Variants in STN1 observed in about 807,000 individuals in gnomAD.
STN1 encodes CST complex subunit STN1.
Under a neutral mutation model 45.5 loss-of-function variants are expected in STN1, and 29 were observed. The observed-to-expected ratio is 0.64, with a 90% CI of 0.47 to 0.87. The LOEUF is 0.87. Ranked by LOEUF, STN1 falls within the 40% of genes least tolerant of loss-of-function variation. STN1 has a pLI of 0.00. For synonymous variants in STN1, 148 were observed against 159.0 expected, an observed-to-expected ratio of 0.93 and a Z score of 0.52; for missense variants, 376 against 441.4, an observed-to-expected ratio of 0.85 and a Z score of 1.33.
chr10:103,895,627 G>A (rs1389578808), intron 7 of STN1, among the ~76,000 whole-genome samples: 2 of 152,122 alleles, frequency 1.3e-5, no homozygotes, highest in African/African-American at 2.4e-5. Flanking sequence ...TCATCTCCTC[G>A]TATGAAACCA....
At chr10:103,898,418 T>G (rs1272584959) in intron 6 of STN1, 4 of 153,474 alleles carry the variant, frequency 2.6e-5, no homozygotes, top group African/African-American at 9.7e-5. Context: ...GAATGACCGG[T>G]GCAGGTTTTT....
In STN1 at chr10:103,889,076, T is replaced by C. The variant is rs779242246; in HGVS notation, c.945A>G (p.Pro315=). Residue 315 remains proline (P), a synonymous_variant, in exon 9 of 10, where the codon CCA becomes CCG. Transcript: ENST00000224950. ...CTTGTACATTATACCACTTACGATT[T>C]GGTTTCTGGCAGTCCTGCTGAATGA... is the stretch of plus-strand genomic sequence containing the variant. ...HRIIQQDCQK[P]NHMEKGCHFL... The C allele has an allele frequency of 6.2e-6, 10 of 1,611,120 alleles. No individual in the cohort carries two copies. The South Asian group carries it at 1.1e-4, about 18-fold the overall frequency.
rs553634217 is a variant in STN1 at position 103,907,842 on chromosome 10, TAGC to T, written c.229+2682_229+2684del. On this transcript the variant is annotated intron_variant, in intron 3 of 9. Transcript: ENST00000224950. ...AATAGAAAGTTAAAAAAAAAAAAAT[TAGC>T]AGGCCAGGAGCAGTGGCTCACGCCT... 1.9e-3 allele frequency among the ~76,000 whole-genome samples: 288 copies of T among 151,436 alleles called. 1 individual carries two copies. Among genetic ancestry groups the T allele is most frequent in the Non-Finnish European group, 3.2e-3 (216 of 67,842 alleles).
In STN1 at chr10:103,882,577, G is replaced by A. The variant is rs1187062945; in HGVS notation, c.*107C>T. 1 of 1,161,010 alleles carries A rather than the reference G, an allele frequency of 8.6e-7. No individual in the cohort carries two copies. Among genetic ancestry groups the A allele is most frequent in the East Asian group, 2.5e-5 (1 of 40,566 alleles). The allele number at this position is 1,161,010 out of a possible 1,614,324, so 71.9% of individuals were successfully genotyped here. ...GACTATATTTTATAGTTTATTATGA[G>A]GTAACTGCCTCCAGACAGATAAGCC... is the stretch of plus-strand genomic sequence containing the variant. On this transcript the variant is annotated 3_prime_UTR_variant, in exon 10 of 10. Transcript: ENST00000224950.
At chr10:103,908,364 C>A (rs1330144654) in intron 3 of STN1, among the ~76,000 whole-genome samples, 2 of 152,148 alleles carry the variant, frequency 1.3e-5, no homozygotes, top group Non-Finnish European at 2.9e-5. Flanking sequence ...ATGGAGGCAC[C>A]CTTGCAGTGC....
At chr10:103,914,351 TATATATATATATA>T (rs1843311134) in intron 2 of STN1, among the ~76,000 whole-genome samples, 4 of 15,144 alleles carry the variant, frequency 2.6e-4, no homozygotes, top group African/African-American at 5.5e-4. Flanking sequence ...TATATATATA[TATATATATATATA>T]TATATATATA....
At chr10:103,892,496 AC>A (rs1843146314) in intron 7 of STN1, among the ~76,000 whole-genome samples, 1 of 150,634 alleles carries the variant, frequency 6.6e-6, no homozygotes, top group African/African-American at 2.5e-5. Flanking sequence ...TTTTTAATGA[AC>A]TCAACACTCC....
intron 7 of STN1, among the ~76,000 whole-genome samples, chr10:103,892,694 A>C (rs1843147647): frequency 6.6e-6 from 1 of 152,164 alleles, no homozygotes; most frequent in Non-Finnish European, 1.5e-5. Flanking sequence ...TCCAGCATGA[A>C]GTATTAAATA....
chr10:103,914,359 TATATA>T lies in STN1; in HGVS notation c.133+3098_133+3102del, dbSNP rs1843312242. Among the ~76,000 whole-genome samples the T allele has an allele frequency of 1.1e-3, 45 of 42,504 alleles. 1 individual carries two copies. Among genetic ancestry groups the T allele is most frequent in the African/African-American group, 2.6e-3 (29 of 11,118 alleles). The allele number at this position is 42,504 out of a possible 152,430, so 27.9% of individuals were successfully genotyped here. A position where few individuals can be genotyped will look rare whatever the true frequency, so the allele number is the denominator to read the frequency against. ...ACATATATATATATATATATATATATATATATATATATATATTTTTTTTTTTTTTT... is the reference window on the plus strand; with the variant it reads ...ACATATATATATATATATATATATATTATATATATATTTTTTTTTTTTTTT... On this transcript the variant is annotated intron_variant, in intron 2 of 9. Transcript: ENST00000224950.
In STN1 at chr10:103,913,875, G is replaced by A. The variant is rs559658982; in HGVS notation, c.134-3253C>T. 2.2e-4 allele frequency among the ~76,000 whole-genome samples: 34 copies of A among 152,024 alleles called. 2 individuals carry two copies. In the South Asian group the frequency reaches 7.1e-3, roughly 32 times the overall value. On this transcript the variant is annotated intron_variant, in intron 2 of 9. Coordinates refer to ENST00000224950, the MANE Select transcript of STN1 (RefSeq NM_024928.5). The stretch of plus-strand genomic sequence containing the variant: ...ACATGCAGCCCACAGAGGCCTAAAA[G>A]CATCAGAGGACCCCCTGGATCATCA...
chr10:103,897,308 T>C (rs1037470364), intron 7 of STN1, among the ~76,000 whole-genome samples: 4 of 49,852 alleles, frequency 8.0e-5, no homozygotes, highest in African/African-American at 1.7e-4. Context: ...TGAGACTCTG[T>C]CTCCGAAAAA....
intron 3 of STN1, among the ~76,000 whole-genome samples, chr10:103,909,394 A>ATATATATGTATATATG (rs1564634924): frequency 1.2e-3 from 83 of 70,312 alleles, no homozygotes; most frequent in Admixed American, 4.7e-3. Flanking sequence ...ATATATGTAT[A>ATATATATGTATATATG]TATGTATATA....
At chr10:103,887,117 A>G (rs576980314) in intron 9 of STN1, among the ~76,000 whole-genome samples, 2 of 152,370 alleles carry the variant, frequency 1.3e-5, no homozygotes, top group South Asian at 2.1e-4. Flanking sequence ...GAAAGGAACT[A>G]AAGGCCCAGT....
chr10:103,882,447 G>A lies in STN1; in HGVS notation c.*237C>T. 1 of 457,740 alleles carries A rather than the reference G, an allele frequency of 2.2e-6. No homozygotes were observed. The highest frequency in any genetic ancestry group is 3.9e-6 in the Non-Finnish European group (1 of 257,468). 28.4% of individuals were successfully genotyped at this position (457,740 alleles called of 1,614,324 possible). On this transcript the variant is annotated 3_prime_UTR_variant, in exon 10 of 10. Coordinates refer to ENST00000224950, the MANE Select transcript of STN1 (RefSeq NM_024928.5). ...AGTCCAGCCAGGAGCTCAACAGGGA[G>A]GGTTTTCTTGTTGTGTCATGGCTGA...
At chr10:103,901,371 T>C (rs1380258248) in intron 4 of STN1, among the ~76,000 whole-genome samples, 1 of 152,154 alleles carries the variant, frequency 6.6e-6, no homozygotes, top group Non-Finnish European at 1.5e-5. Context: ...ATAGGTACAG[T>C]TTTATAAATT....
chr10:103,913,165 T>A (rs533134670), intron 2 of STN1, among the ~76,000 whole-genome samples: 23 of 152,306 alleles, frequency 1.5e-4, no homozygotes, highest in Non-Finnish European at 2.9e-4. Context: ...GGTTGAAGTC[T>A]GGGGGAAAGG....
Position 103,900,126 on chromosome 10 carries a change from C to G in STN1, c.393G>C (p.Thr131=), listed in dbSNP as rs1023891805. The change falls in exon 5 of 10, where the codon ACG becomes ACC. Residue 131 remains threonine, a synonymous_variant. Coordinates refer to ENST00000224950, the MANE Select transcript of STN1 (RefSeq NM_024928.5). ...EQKTKIEIGD[T]IRVRGSIRTY... ...TGCGGATACTGCCTCTGACTCGGAT[C>G]GTGTCCCCGATCTCTATCTTTGTTT... The G allele has an allele frequency of 4.3e-6, 7 of 1,614,186 alleles. No individual in the cohort carries two copies. Among genetic ancestry groups the G allele is most frequent in the Non-Finnish European group, 5.9e-6 (7 of 1,180,026 alleles).
intron 7 of STN1, 102 bp downstream of exon 7, chr10:103,897,446 T>A: frequency 9.6e-7 from 1 of 1,042,598 alleles, no homozygotes; most frequent in East Asian, 2.4e-5. Flanking sequence ...GTTCCCTGGG[T>A]CAACTCTGTG....
chr10:103,902,786 A>G (rs1255446199), intron 4 of STN1, among the ~76,000 whole-genome samples: 1 of 152,254 alleles, frequency 6.6e-6, no homozygotes, highest in Non-Finnish European at 1.5e-5. Context: ...AAGGGCAATT[A>G]AATTAAAAGG....
Sources: allele counts gnomAD v4.1 joint callset (sites outside exome capture counted in the v4.1 genomes callset), GRCh38; gene constraint gnomAD v4.1.1; transcripts MANE v1.5; gene names NCBI Gene and HGNC (gene_info 2026-07-23, HGNC 2026-07-21).